The following CHRM3 variants were observed in gnomAD, a reference collection of about 807,000 sequenced individuals.
CHRM3 encodes the protein muscarinic acetylcholine receptor M3.
A neutral mutation model predicts 41.8 loss-of-function variants in CHRM3; 11 were observed. That is an observed-to-expected ratio of 0.26 (90% confidence interval 0.17 to 0.44). CHRM3 has a LOEUF of 0.44. Among genes scored for constraint, CHRM3 ranks in the 20% least tolerant of loss-of-function variants. CHRM3 has a pLI of 1.00. For missense variants in CHRM3, 571 were observed against 745.4 expected (o/e 0.77, Z 2.72); for synonymous variants, 297 against 301.4 (o/e 0.99, Z 0.15).
chr1:239,823,758 A>G (rs749325939), intron 5 of CHRM3, among the ~76,000 whole-genome samples: 1 of 152,120 alleles, frequency 6.6e-6, no homozygotes, highest in Non-Finnish European at 1.5e-5. Context: ...TCAATAGAAC[A>G]GAAGACCCTT....
chr1:239,442,954 G>A (rs191329999), intron 1 of CHRM3, among the ~76,000 whole-genome samples: 24 of 152,256 alleles, frequency 1.6e-4, no homozygotes, highest in Admixed American at 1.1e-3. Context: ...CAAGTCTGAC[G>A]TCTTAATAAA....
intron 1 of CHRM3, among the ~76,000 whole-genome samples, chr1:239,489,265 A>G (rs1487668557): frequency 6.6e-6 from 1 of 152,150 alleles, no homozygotes; most frequent in African/African-American, 2.4e-5. Context: ...TATAAAAATT[A>G]GCCGGGCGTG....
At chr1:239,647,229 T>G (rs544319545) in intron 4 of CHRM3, among the ~76,000 whole-genome samples, 6 of 152,254 alleles carry the variant, frequency 3.9e-5, no homozygotes, top group African/African-American at 1.4e-4. Flanking sequence ...TCTCTTCACC[T>G]CCTCAACCCA....
chr1:239,392,288 T>C (rs1659104425), intron 1 of CHRM3, among the ~76,000 whole-genome samples: 1 of 152,206 alleles, frequency 6.6e-6, no homozygotes, highest in Non-Finnish European at 1.5e-5. Flanking sequence ...TCTCCTTGTC[T>C]GTCATTGTTG....
At chr1:239,513,238 G>A (rs1260317472) in intron 2 of CHRM3, among the ~76,000 whole-genome samples, 1 of 152,140 alleles carries the variant, frequency 6.6e-6, no homozygotes, top group Non-Finnish European at 1.5e-5. Flanking sequence ...TATTTGGGGG[G>A]CCTTGATTAA....
intron 5 of CHRM3, among the ~76,000 whole-genome samples, chr1:239,696,305 C>G (rs536644693): frequency 6.6e-6 from 1 of 152,074 alleles, no homozygotes; most frequent in African/African-American, 2.4e-5. Flanking sequence ...TGTAAACTAT[C>G]ATGTGCTATA....
intron 3 of CHRM3, among the ~76,000 whole-genome samples, chr1:239,609,776 G>A (rs1666778701): frequency 6.6e-6 from 1 of 152,072 alleles, no homozygotes; most frequent in Admixed American, 6.5e-5. Flanking sequence ...GTTAGCATCT[G>A]TATATGTTCT....
At chr1:239,749,542 C>T (rs1665641142) in intron 5 of CHRM3, among the ~76,000 whole-genome samples, 2 of 152,110 alleles carry the variant, frequency 1.3e-5, no homozygotes, top group Admixed American at 1.3e-4. Flanking sequence ...GTAGCACGTG[C>T]CTGTAATCAC....
intron 2 of CHRM3, among the ~76,000 whole-genome samples, chr1:239,528,910 A>G (rs1414350980): frequency 8.5e-5 from 13 of 152,330 alleles, no homozygotes; most frequent in Admixed American, 7.8e-4. Context: ...CAACAACAAC[A>G]AAAAAGAATT....
intron 3 of CHRM3, among the ~76,000 whole-genome samples, chr1:239,566,422 A>C (rs542717127): frequency 6.6e-6 from 1 of 152,340 alleles, no homozygotes; most frequent in Non-Finnish European, 1.5e-5. Flanking sequence ...AAGGCATATT[A>C]GTTCCTTAAG....
intron 1 of CHRM3, among the ~76,000 whole-genome samples, chr1:239,424,550 A>G (rs1252402839): frequency 6.6e-6 from 1 of 152,230 alleles, no homozygotes; most frequent in African/African-American, 2.4e-5. Flanking sequence ...GGGACTTACA[A>G]ACTAGTGGGA....
intron 2 of CHRM3, among the ~76,000 whole-genome samples, chr1:239,537,720 C>T (rs796671659): frequency 2.0e-4 from 30 of 152,286 alleles, no homozygotes; most frequent in African/African-American, 6.7e-4. Flanking sequence ...TCACTTAGTT[C>T]CCAAAGTTCA....
At chr1:239,880,643 C>T (rs1262426660) in intron 6 of CHRM3, among the ~76,000 whole-genome samples, 3 of 152,092 alleles carry the variant, frequency 2.0e-5, no homozygotes, top group South Asian at 2.1e-4. Context: ...AGGTGCACAC[C>T]ACCATGCCTA....
chr1:239,825,026 C>T (rs1328773646), intron 5 of CHRM3, among the ~76,000 whole-genome samples: 3 of 152,198 alleles, frequency 2.0e-5, no homozygotes, highest in Admixed American at 6.5e-5. Flanking sequence ...ATTTACTGCG[C>T]ACCTGCCAGT....
At chr1:239,647,929 C>G (rs1006068335) in intron 4 of CHRM3, among the ~76,000 whole-genome samples, 1 of 152,138 alleles carries the variant, frequency 6.6e-6, no homozygotes, top group Non-Finnish European at 1.5e-5. Flanking sequence ...ATAATAGCAC[C>G]TACCTCACAG....
At chr1:239,808,672 A>C (rs1480227392) in intron 5 of CHRM3, among the ~76,000 whole-genome samples, 1 of 152,232 alleles carries the variant, frequency 6.6e-6, no homozygotes, top group Non-Finnish European at 1.5e-5. Flanking sequence ...AGGAAATGCG[A>C]GTGAACCACT....
At chr1:239,532,030 TGAGAC>T (rs1657636921) in intron 2 of CHRM3, among the ~76,000 whole-genome samples, 1 of 108,448 alleles carries the variant, frequency 9.2e-6, no homozygotes, top group Admixed American at 9.1e-5. Flanking sequence ...TTTTTTTTTT[TGAGAC>T]GGAGTCTTGC....
At chr1:239,877,592 C>T (rs984229586) in intron 6 of CHRM3, among the ~76,000 whole-genome samples, 4 of 152,134 alleles carry the variant, frequency 2.6e-5, no homozygotes, top group African/African-American at 9.7e-5. Flanking sequence ...AAAGTAATAT[C>T]TCCATTTTAT....
At chr1:239,440,108 G>T (rs1269884240) in intron 1 of CHRM3, among the ~76,000 whole-genome samples, 3 of 150,892 alleles carry the variant, frequency 2.0e-5, no homozygotes, top group African/African-American at 7.3e-5. Flanking sequence ...TGAGGCAGGA[G>T]AGTCACTTGA....
Sources: allele counts gnomAD v4.1 joint callset (sites outside exome capture counted in the v4.1 genomes callset), GRCh38; gene constraint gnomAD v4.1.1; transcripts MANE v1.5; gene names NCBI Gene and HGNC (gene_info 2026-07-23, HGNC 2026-07-21).